The following GADL1 variants were observed in gnomAD, a reference collection of about 807,000 sequenced individuals.
GADL1 encodes the protein GAD like acidic amino acid decarboxylase 1, also known as acidic amino acid decarboxylase GADL1.
A neutral mutation model predicts 69.5 loss-of-function variants in GADL1; 71 were observed. That is an observed-to-expected ratio of 1.02 (90% CI 0.84 to 1.25). The LOEUF (loss-of-function observed/expected upper bound fraction) is 1.25, where lower values mean the gene tolerates loss of function less well. Ranked by LOEUF, GADL1 falls within the 50% of genes most tolerant of loss-of-function variation. GADL1 has a pLI of 0.00. For synonymous variants in GADL1, 254 were observed against 214.4 expected, an observed-to-expected ratio of 1.18 and a Z score of -1.62; for missense variants, 737 against 631.8, an observed-to-expected ratio of 1.17 and a Z score of -1.79.
chr3:30,862,958 C>CTCAT (rs997973943), intron 1 of GADL1, among the ~76,000 whole-genome samples: 13 of 151,752 alleles, frequency 8.6e-5, no homozygotes, highest in African/African-American at 3.1e-4. Context: ...ACCTATTTTA[C>CTCAT]TCATTCTTGC....
chr3:30,780,213 T>G (rs144326589), intron 13 of GADL1, among the ~76,000 whole-genome samples: 2 of 152,268 alleles, frequency 1.3e-5, no homozygotes, highest in East Asian at 3.9e-4. Flanking sequence ...TGCAGTGATT[T>G]CCAAGTTGTG....
At chr3:30,759,211 AC>A (rs1696060019) in intron 14 of GADL1, among the ~76,000 whole-genome samples, 2 of 152,206 alleles carry the variant, frequency 1.3e-5, no homozygotes, top group South Asian at 4.2e-4. Context: ...CTAGGGTAGG[AC>A]TTAGACATCT....
intron 1 of GADL1, among the ~76,000 whole-genome samples, chr3:30,876,559 T>C (rs1698578673): frequency 6.6e-6 from 1 of 151,928 alleles, no homozygotes; most frequent in Admixed American, 6.6e-5. Context: ...CAAAAGTTCA[T>C]CAATTGAAAA....
At position 30,727,805 on chromosome 3, in the gene GADL1, G is replaced by C. The variant is rs1480372653; in HGVS notation, c.*437C>G. The C allele has an allele frequency of 6.5e-6, 1 of 152,950 alleles. No individual in the cohort carries two copies. The highest frequency in any genetic ancestry group is 1.9e-4 in the East Asian group (1 of 5,190). 9.5% of individuals were successfully genotyped at this position (152,950 alleles called of 1,614,324 possible). The stretch of plus-strand genomic sequence containing the variant: ...CCTCACCCCCAGAGCTTCTGATCCA[G>C]TTGGTCTAGAGAAAGCCTGAGAATC... On this transcript the variant is annotated 3_prime_UTR_variant, in exon 15 of 15. Transcript: ENST00000282538.
chr3:30,861,645 C>T lies in GADL1; in HGVS notation c.158G>A (p.Cys53Tyr), dbSNP rs1274991035. ...KAGEKFVEEA[C>Y]RLIMEEVVLK... Reference sequence around the variant, plus strand: ...AACCACCTCTTCCATTATTAGCCTACAGGCCTCTTCAACAAATTTTTCTCC... The same window carrying T: ...AACCACCTCTTCCATTATTAGCCTATAGGCCTCTTCAACAAATTTTTCTCC... Residue 53 changes from cysteine to tyrosine, a missense_variant, in exon 2 of 15, where the codon TGT becomes TAT. Coordinates refer to ENST00000282538, the MANE Select transcript of GADL1 (RefSeq NM_207359.3). 13 of 1,550,346 alleles carry T rather than the reference C, an allele frequency of 8.4e-6. No homozygotes were observed. The highest frequency in any genetic ancestry group is 1.4e-5 in the African/African-American group (1 of 73,036).
At chr3:30,800,730 G>A (rs1416121825) in intron 12 of GADL1, 159 bp downstream of exon 12, 4 of 645,328 alleles carry the variant, frequency 6.2e-6, no homozygotes, top group Admixed American at 5.4e-5. Flanking sequence ...ATGAAATAAT[G>A]CACAAATGAA....
At chr3:30,845,504 A>AT (rs1453325492) in intron 6 of GADL1, among the ~76,000 whole-genome samples, 6 of 152,104 alleles carry the variant, frequency 3.9e-5, no homozygotes, top group African/African-American at 1.4e-4. Flanking sequence ...AAATGTGGTA[A>AT]TTTTTTTCCT....
intron 4 of GADL1, among the ~76,000 whole-genome samples, chr3:30,854,328 T>C (rs1277285619): frequency 6.6e-6 from 1 of 152,168 alleles, no homozygotes; most frequent in African/African-American, 2.4e-5. Flanking sequence ...CCACTTCGAT[T>C]AGCATTTTTA....
At chr3:30,778,100 T>C in intron 14 of GADL1, 79 bp downstream of exon 14, 1 of 832,634 alleles carries the variant, frequency 1.2e-6, no homozygotes, top group Non-Finnish European at 2.0e-6. Flanking sequence ...TGCTAGGCCC[T>C]CTTATTTATA....
At chr3:30,866,194 A>G (rs966651672) in intron 1 of GADL1, among the ~76,000 whole-genome samples, 3 of 152,088 alleles carry the variant, frequency 2.0e-5, no homozygotes, top group African/African-American at 7.2e-5. Flanking sequence ...ACGGTGGTTC[A>G]CACCTGCAAT....
chr3:30,889,185 A>AC, intron 1 of GADL1, among the ~76,000 whole-genome samples: 1 of 151,298 alleles, frequency 6.6e-6, no homozygotes, highest in African/African-American at 2.4e-5. Context: ...GCAAAGGAAG[A>AC]CCAAAGGCAT....
Position 30,803,595 on chromosome 3 carries a change from G to A in GADL1, c.1051-2507C>T, listed in dbSNP as rs531243910. ...TCATAAGCAAGTGGAGAACAAGAGA[G>A]CCAAGAAAGCAAATAGCAGAATAAA... On this transcript the variant is annotated intron_variant, in intron 11 of 14. Coordinates refer to ENST00000282538, the MANE Select transcript of GADL1 (RefSeq NM_207359.3). Among the ~76,000 whole-genome samples, 16 of 152,296 alleles carry A rather than the reference G, an allele frequency of 1.1e-4. No individual in the cohort carries two copies. In the East Asian group the frequency reaches 3.1e-3, roughly 29 times the overall value.
chr3:30,729,887 C>T (rs1028912119), intron 14 of GADL1, among the ~76,000 whole-genome samples: 3 of 152,128 alleles, frequency 2.0e-5, no homozygotes, highest in African/African-American at 7.2e-5. Flanking sequence ...AGGAAAATCA[C>T]ATTGCCATTC....
At chr3:30,792,912 G>T (rs531451167) in intron 12 of GADL1, among the ~76,000 whole-genome samples, 2 of 152,284 alleles carry the variant, frequency 1.3e-5, no homozygotes, top group East Asian at 3.9e-4. Flanking sequence ...AATGTTCCCA[G>T]ATTGAACATT....
chr3:30,770,876 C>T (rs1027841125), intron 14 of GADL1, among the ~76,000 whole-genome samples: 1 of 152,204 alleles, frequency 6.6e-6, no homozygotes, highest in African/African-American at 2.4e-5. Flanking sequence ...GACATCTGTA[C>T]TTATCTGGCT....
At position 30,861,104 on chromosome 3, in the gene GADL1, C is replaced by T. The variant is rs532157945; in HGVS notation, c.210+489G>A. 2.0e-5 allele frequency among the ~76,000 whole-genome samples: 3 copies of T among 151,970 alleles called. No individual in the cohort carries two copies. The South Asian group carries it at 6.2e-4, about 32-fold the overall frequency. On this transcript the variant is annotated intron_variant, in intron 2 of 14. Coordinates refer to ENST00000282538, the MANE Select transcript of GADL1 (RefSeq NM_207359.3). Reference sequence around the variant, plus strand: ...ACCAGAAAGGAGTCAGACTTAACCACCTAAGATTTCTAGGCTAAATTTAGA... The same window carrying T: ...ACCAGAAAGGAGTCAGACTTAACCATCTAAGATTTCTAGGCTAAATTTAGA...
chr3:30,769,383 C>T (rs971985679), intron 14 of GADL1, among the ~76,000 whole-genome samples: 3 of 151,856 alleles, frequency 2.0e-5, no homozygotes, highest in Non-Finnish European at 4.4e-5. Context: ...CGTATGCACA[C>T]ACGCACACAC....
At chr3:30,885,019 C>T (rs573217632) in intron 1 of GADL1, among the ~76,000 whole-genome samples, 1 of 152,072 alleles carries the variant, frequency 6.6e-6, no homozygotes, top group Admixed American at 6.6e-5. Context: ...CCCCTTTGCT[C>T]TCCTGACAAG....
intron 14 of GADL1, among the ~76,000 whole-genome samples, chr3:30,773,955 T>G (rs1350252683): frequency 6.6e-6 from 1 of 152,166 alleles, no homozygotes; most frequent in African/African-American, 2.4e-5. Context: ...TCAATTTGAT[T>G]AGTGAAAGAT....
Sources: allele counts gnomAD v4.1 joint callset (sites outside exome capture counted in the v4.1 genomes callset), GRCh38; gene constraint gnomAD v4.1.1; transcripts MANE v1.5; gene names NCBI Gene and HGNC (gene_info 2026-07-23, HGNC 2026-07-21).